Variants in PTGES3 observed in about 807,000 individuals in gnomAD.
PTGES3 encodes the protein Hsp90 co-chaperone.
Under a neutral mutation model 29.9 loss-of-function variants are expected in PTGES3, and 5 were observed. The observed-to-expected ratio is 0.17, with a 90% CI of 0.09 to 0.35. PTGES3 has a LOEUF of 0.35. PTGES3 is among the 10% of genes least tolerant of loss of function. The pLI is 1.00. For synonymous variants in PTGES3, 49 were observed against 57.8 expected, an observed-to-expected ratio of 0.85 and a Z score of 0.69; for missense variants, 128 against 190.0, an observed-to-expected ratio of 0.67 and a Z score of 1.92.
chr12:56,666,164 T>C (rs1382685159), intron 6 of PTGES3, 40 bp downstream of exon 6: 3 of 1,558,076 alleles, frequency 1.9e-6, no homozygotes, highest in Admixed American at 1.9e-5. Context: ...TACTATTTAA[T>C]AGTATGAAAG....
intron 1 of PTGES3, among the ~76,000 whole-genome samples, chr12:56,682,231 G>C (rs1952574705): frequency 6.6e-6 from 1 of 152,132 alleles, no homozygotes; most frequent in Admixed American, 6.6e-5. Context: ...ATTTTATTCA[G>C]CTTCAGAATA....
chr12:56,684,895 A>C (rs971688153), intron 1 of PTGES3, among the ~76,000 whole-genome samples: 3 of 152,198 alleles, frequency 2.0e-5, no homozygotes, highest in African/African-American at 4.8e-5. Context: ...TGAGTAAATC[A>C]AATGAGAAAA....
chr12:56,688,136 G>T lies in PTGES3; in HGVS notation c.-137C>A. On this transcript the variant is annotated 5_prime_UTR_variant, in exon 1 of 8. Coordinates refer to ENST00000262033, the MANE Select transcript of PTGES3 (RefSeq NM_006601.7). ...CGGCCTCTTCTCGCTTCCCTCAGGC[G>T]ACGGCGGCAGCGGCGGGCTCGACCT... is the stretch of plus-strand genomic sequence containing the variant. 7.2e-7 allele frequency: 1 copy of T among 1,392,532 alleles called. No homozygotes were observed. Among genetic ancestry groups the T allele is most frequent in the Non-Finnish European group, 9.3e-7 (1 of 1,073,870 alleles). The allele number at this position is 1,392,532 out of a possible 1,614,324, so 86.3% of individuals were successfully genotyped here.
intron 5 of PTGES3, among the ~76,000 whole-genome samples, chr12:56,666,908 T>G (rs1427704830): frequency 5.0e-5 from 7 of 140,204 alleles, no homozygotes; most frequent in Non-Finnish European, 1.6e-5. Context: ...ATTACAGGCG[T>G]GAACCACCAT....
chr12:56,680,397 T>G (rs1014676912), intron 1 of PTGES3, among the ~76,000 whole-genome samples: 5 of 151,674 alleles, frequency 3.3e-5, no homozygotes, highest in African/African-American at 1.2e-4. Flanking sequence ...TTTTTTTTTT[T>G]TTGGGGGGAC....
intron 1 of PTGES3, among the ~76,000 whole-genome samples, chr12:56,685,833 A>G (rs1230156441): frequency 7.4e-6 from 1 of 134,472 alleles, no homozygotes; most frequent in Admixed American, 8.3e-5. Flanking sequence ...CTGGAGTACA[A>G]CGGCGCAATC....
At chr12:56,672,311 C>T (rs1952036383) in intron 3 of PTGES3, among the ~76,000 whole-genome samples, 1 of 152,054 alleles carries the variant, frequency 6.6e-6, no homozygotes, top group African/African-American at 2.4e-5. Context: ...TGAGACCAGC[C>T]TGACCAACAT....
At position 56,677,924 on chromosome 12, in the gene PTGES3, G is replaced by C. The variant is rs529047345; in HGVS notation, c.3-4859C>G. On this transcript the variant is annotated intron_variant, in intron 1 of 7. Coordinates refer to ENST00000262033, the MANE Select transcript of PTGES3 (RefSeq NM_006601.7). ...ATACATCTTGGCACATGATTTGGTA[G>C]CCACAGGCCACAGGACTAGCAGGTT... 1.8e-4 allele frequency among the ~76,000 whole-genome samples: 27 copies of C among 152,292 alleles called. No individual in the cohort carries two copies. In the South Asian group the frequency reaches 3.1e-3, roughly 18 times the overall value.
At chr12:56,667,434 A>C (rs1951831169) in intron 5 of PTGES3, among the ~76,000 whole-genome samples, 1 of 152,242 alleles carries the variant, frequency 6.6e-6, no homozygotes. Flanking sequence ...GACCTTAAAA[A>C]GATAGTCAAA....
chr12:56,672,931 T>C, intron 2 of PTGES3, 21 bp downstream of exon 2: 2 of 1,582,508 alleles, frequency 1.3e-6, no homozygotes, highest in Non-Finnish European at 1.7e-6. Flanking sequence ...TTTACATCAT[T>C]GGATAAAAAG....
intron 2 of PTGES3, 54 bp downstream of exon 2, chr12:56,672,898 T>C (rs1017146614): frequency 1.3e-6 from 2 of 1,554,830 alleles, no homozygotes; most frequent in Non-Finnish European, 1.7e-6. Flanking sequence ...CAGTCAAAGT[T>C]ATTCAGTTGT....
chr12:56,665,397 C>T (rs955330688), intron 6 of PTGES3: 75 of 869,534 alleles, frequency 8.6e-5, no homozygotes, highest in Non-Finnish European at 9.5e-5. Flanking sequence ...CGGGTTCAAG[C>T]GATTCTCCTG....
At chr12:56,680,386 CTTTT>C (rs1171435554) in intron 1 of PTGES3, among the ~76,000 whole-genome samples, 5 of 143,464 alleles carry the variant, frequency 3.5e-5, no homozygotes, top group African/African-American at 1.3e-4. Context: ...AATTTTCTTT[CTTTT>C]TTTTTTTTTG....
intron 1 of PTGES3, among the ~76,000 whole-genome samples, chr12:56,679,100 T>C (rs1027117922): frequency 6.7e-6 from 1 of 150,132 alleles, no homozygotes; most frequent in African/African-American, 2.5e-5. Context: ...CTGGGCCACA[T>C]AGCAAGACCC....
chr12:56,685,867 C>G (rs559759925), intron 1 of PTGES3, among the ~76,000 whole-genome samples: 8 of 147,156 alleles, frequency 5.4e-5, no homozygotes, highest in Non-Finnish European at 1.0e-4. Flanking sequence ...ACCTTCACCT[C>G]CTGGGTTCAA....
intron 1 of PTGES3, among the ~76,000 whole-genome samples, chr12:56,683,645 A>AT (rs1565877961): frequency 7.1e-6 from 1 of 140,042 alleles, no homozygotes; most frequent in Non-Finnish European, 1.5e-5. Flanking sequence ...GCCAGACTCC[A>AT]TCTCAAAAAA....
In PTGES3 at chr12:56,688,159, C is replaced by T; in HGVS notation, c.-160G>A. ...GCGACGGCGGCAGCGGCGGGCTCGACCTCGGGCCCCAGAATGCACCGCGCG... is the reference window on the plus strand; with the variant it reads ...GCGACGGCGGCAGCGGCGGGCTCGATCTCGGGCCCCAGAATGCACCGCGCG... On this transcript the variant is annotated 5_prime_UTR_variant, in exon 1 of 8. Transcript: ENST00000262033. The T allele has an allele frequency of 7.6e-7, 1 of 1,318,208 alleles. No individual in the cohort carries two copies. Among genetic ancestry groups the T allele is most frequent in the African/African-American group, 1.5e-5 (1 of 64,564 alleles). 81.7% of individuals were successfully genotyped at this position (1,318,208 alleles called of 1,614,324 possible). A position where few individuals can be genotyped will look rare whatever the true frequency, so the allele number is the denominator to read the frequency against.
intron 1 of PTGES3, among the ~76,000 whole-genome samples, chr12:56,686,618 C>A (rs987606095): frequency 6.6e-6 from 1 of 152,084 alleles, no homozygotes; most frequent in Admixed American, 6.6e-5. Flanking sequence ...CTCAGGTGAT[C>A]CGCCCGCCTC....
At chr12:56,686,327 G>A (rs562253243) in intron 1 of PTGES3, among the ~76,000 whole-genome samples, 30 of 152,190 alleles carry the variant, frequency 2.0e-4, no homozygotes, top group Middle Eastern at 3.4e-3. Context: ...ACATTACTTA[G>A]GAGAGCTTTC....
Sources: gnomAD v4.1 joint callset for allele counts (sites outside exome capture counted in the v4.1 genomes callset) on GRCh38, gnomAD v4.1.1 for gene constraint, MANE v1.5 for transcripts, NCBI Gene and HGNC (gene_info 2026-07-23, HGNC 2026-07-21) for gene names.